ANKS1A: variants seen among roughly 807,000 people sequenced by gnomAD.
ANKS1A encodes the protein ankyrin repeat and sterile alpha motif domain containing 1A.
Under a neutral mutation model 120.3 loss-of-function variants are expected in ANKS1A, and 55 were observed. That is an observed-to-expected ratio of 0.46 (90% CI 0.37 to 0.57). ANKS1A has a LOEUF of 0.57. Among genes scored for constraint, ANKS1A ranks in the 20% least tolerant of loss-of-function variants. The probability of loss-of-function intolerance (pLI) is 0.00; values close to 1 mark genes in which losing one functional copy is unlikely to be tolerated. For synonymous variants in ANKS1A, 590 were observed against 604.7 expected (o/e 0.98, Z 0.36); for missense variants, 1,123 against 1,480.3 (o/e 0.76, Z 3.96).
At chr6:34,938,328 C>A (rs1769359675) in intron 1 of ANKS1A, among the ~76,000 whole-genome samples, 1 of 152,206 alleles carries the variant, frequency 6.6e-6, no homozygotes, top group Admixed American at 6.5e-5. Context: ...TCTCCAATAT[C>A]CTCCTCAAAG....
At chr6:34,959,653 G>A (rs1770536993) in intron 1 of ANKS1A, among the ~76,000 whole-genome samples, 1 of 152,202 alleles carries the variant, frequency 6.6e-6, no homozygotes, top group Admixed American at 6.5e-5. Flanking sequence ...GGACATTTGA[G>A]TTGGGCCACT....
intron 13 of ANKS1A, among the ~76,000 whole-genome samples, chr6:35,074,393 G>A (rs1479504451): frequency 6.6e-6 from 1 of 151,896 alleles, no homozygotes; most frequent in Admixed American, 6.6e-5. Flanking sequence ...TGAGCTTAGG[G>A]GTTCAAGACC....
rs1778231893 is a variant in ANKS1A, at chr6:35,090,315, A to C, written c.*1706A>C. The C allele has an allele frequency of 7.8e-7, 1 of 1,288,632 alleles. No individual in the cohort carries two copies. Among genetic ancestry groups the C allele is most frequent in the Non-Finnish European group, 1.0e-6 (1 of 988,188 alleles). The allele number at this position is 1,288,632 out of a possible 1,614,324, so 79.8% of individuals were successfully genotyped here. A position where few individuals can be genotyped will look rare whatever the true frequency, so the allele number is the denominator to read the frequency against. ...GTTGACCAGGAACCCTAAAGCATCCAGAGTAGACTGCGCTGCCACTGCGCA... is the reference window on the plus strand; with the variant it reads ...GTTGACCAGGAACCCTAAAGCATCCCGAGTAGACTGCGCTGCCACTGCGCA... On this transcript the variant is annotated 3_prime_UTR_variant, in exon 24 of 24. Transcript: ENST00000360359.
Position 34,983,217 on chromosome 6 carries a change from A to G in ANKS1A, c.910+3A>G. 1.2e-6 allele frequency: 2 copies of G among 1,614,030 alleles called. No homozygotes were observed. The highest frequency in any genetic ancestry group is 8.5e-7 in the Non-Finnish European group (1 of 1,179,912). ...GCAAATAGCAGCATTAATTGAAGGTATCATCCTTTCTCCCTGTCTGGGTGA... is the reference window on the plus strand; with the variant it reads ...GCAAATAGCAGCATTAATTGAAGGTGTCATCCTTTCTCCCTGTCTGGGTGA... On this transcript the variant is annotated splice_donor_region_variant and intron_variant, in intron 6 of 23. Transcript: ENST00000360359.
In ANKS1A at chr6:35,086,666, G is replaced by T. The variant is rs1011787502; in HGVS notation, c.3304-286G>T. Among the ~76,000 whole-genome samples the T allele has an allele frequency of 6.6e-6, 1 of 152,152 alleles. No homozygotes were observed. The highest frequency in any genetic ancestry group is 1.5e-5 in the Non-Finnish European group (1 of 68,018). On this transcript the variant is annotated intron_variant, in intron 22 of 23. Coordinates refer to ENST00000360359, the MANE Select transcript of ANKS1A (RefSeq NM_015245.3). The surrounding 1 kb of genome is among the most constrained non-coding windows in gnomAD (Gnocchi z 5.1). Reference sequence around the variant, plus strand: ...TCCCCTTCCTGCCCAGTGTGAGTGGGTCTGGGGCTTAGAGCAGGAGGCCCG... The same window carrying T: ...TCCCCTTCCTGCCCAGTGTGAGTGGTTCTGGGGCTTAGAGCAGGAGGCCCG...
At chr6:35,069,223 G>A (rs1776946952) in intron 13 of ANKS1A, among the ~76,000 whole-genome samples, 1 of 152,068 alleles carries the variant, frequency 6.6e-6, no homozygotes, top group Non-Finnish European at 1.5e-5. Context: ...CACACACTAG[G>A]CTTTCTGATT....
At chr6:35,095,141 CAAAAAAAA>C (rs34813964), downstream of ANKS1A, among the ~76,000 whole-genome samples, 1 of 81,238 alleles carries the variant, frequency 1.2e-5, no homozygotes, top group Non-Finnish European at 2.4e-5. Context: ...ACCCCCATCT[CAAAAAAAA>C]AAAAAAAAAA....
intron 11 of ANKS1A, among the ~76,000 whole-genome samples, chr6:35,035,592 A>T (rs183977082): frequency 6.6e-6 from 1 of 152,166 alleles, no homozygotes; most frequent in African/African-American, 2.4e-5. Context: ...TTCCACCCTC[A>T]TGTCACATTG....
intron 1 of ANKS1A, among the ~76,000 whole-genome samples, chr6:34,930,535 G>A (rs1408519424): frequency 1.3e-5 from 2 of 152,172 alleles, no homozygotes; most frequent in Non-Finnish European, 2.9e-5. Flanking sequence ...AAAAAGGGAT[G>A]TTAATGTTTA....
At position 35,085,642 on chromosome 6, in the gene ANKS1A, G is replaced by A. The variant is rs1184311525; in HGVS notation, c.3133-124G>A. 3 of 909,618 alleles carry A rather than the reference G, an allele frequency of 3.3e-6. No homozygotes were observed. In the African/African-American group the frequency reaches 5.1e-5, roughly 15 times the overall value. 56.3% of individuals were successfully genotyped at this position (909,618 alleles called of 1,614,324 possible). On this transcript the variant is annotated intron_variant, in intron 21 of 23. Coordinates refer to ENST00000360359, the MANE Select transcript of ANKS1A (RefSeq NM_015245.3). This position sits in a 1 kb window ranked among gnomAD's most constrained non-coding sequence, Gnocchi z 4.7. ...AAAGGAGGGAAAGGAGGGAAGAGTG[G>A]AAGGAGGTAGGAGCGCTCCCGGGTA... is the stretch of plus-strand genomic sequence containing the variant.
intron 1 of ANKS1A, among the ~76,000 whole-genome samples, chr6:34,927,196 T>G (rs955563869): frequency 5.9e-5 from 9 of 151,796 alleles, no homozygotes; most frequent in Middle Eastern, 3.4e-3. Context: ...AGAAGGTAAG[T>G]TGAGGGATGT....
chr6:35,045,973 GTTCACATAGCT>G (rs1341974906), intron 11 of ANKS1A, among the ~76,000 whole-genome samples: 1 of 152,194 alleles, frequency 6.6e-6, no homozygotes, highest in Non-Finnish European at 1.5e-5. Flanking sequence ...CTTCAATGTA[GTTCACATAGCT>G]TTCACATACT....
In ANKS1A at chr6:34,889,525, GGGCGGCGGCGGCGGCAGCGGC is replaced by G. The variant is rs776443079; in HGVS notation, c.139_159del (p.Ser47_Gly53del). 142 of 1,272,046 alleles carry G rather than the reference GGGCGGCGGCGGCGGCAGCGGC, an allele frequency of 1.1e-4. 3 individuals are homozygous for G. Among genetic ancestry groups the G allele is most frequent in the Non-Finnish European group, 1.3e-4 (128 of 1,019,386 alleles). The allele number at this position is 1,272,046 out of a possible 1,614,324, so 78.8% of individuals were successfully genotyped here. A position where few individuals can be genotyped will look rare whatever the true frequency, so the allele number is the denominator to read the frequency against. ...GGGGCGGCGGCGGCGGTGGCTCTGGGGGCGGCGGCGGCGGCAGCGGCGGCGGCGGCGGCGGCCTCGGCTCTT... is the reference window on the plus strand; with the variant it reads ...GGGGCGGCGGCGGCGGTGGCTCTGGGGGCGGCGGCGGCGGCCTCGGCTCTT... On this transcript the variant is annotated inframe_deletion, in exon 1 of 24. Coordinates refer to ENST00000360359, the MANE Select transcript of ANKS1A (RefSeq NM_015245.3). The surrounding 1 kb of genome is among the most constrained non-coding windows in gnomAD (Gnocchi z 5.5).
chr6:35,010,017 G>A (rs1773671258), intron 10 of ANKS1A: 1 of 200,900 alleles, frequency 5.0e-6, no homozygotes, highest in Non-Finnish European at 1.0e-5. Context: ...TTGTCTCTAC[G>A]AAAATAAAAA....
chr6:35,088,524 T>C, intron 23 of ANKS1A, 82 bp from the exon 24 acceptor site: 1 of 1,569,110 alleles, frequency 6.4e-7, no homozygotes, highest in African/African-American at 1.3e-5. Context: ...TGTCCTGCTC[T>C]GTGTTTCCTT....
chr6:34,906,394 T>C (rs1017537156), intron 1 of ANKS1A, among the ~76,000 whole-genome samples: 6 of 152,218 alleles, frequency 3.9e-5, no homozygotes, highest in Non-Finnish European at 7.3e-5. Context: ...TTGCTCTCTC[T>C]GCTCGTGAAA....
chr6:34,970,462 C>T lies in ANKS1A; in HGVS notation c.435+296C>T, dbSNP rs564022814. On this transcript the variant is annotated intron_variant, in intron 3 of 23. Transcript: ENST00000360359. ...AAAAATGTATACACAGTCAGCCCTTCGTTTCCAGGACCTCCCCATAGATAC... is the reference window on the plus strand; with the variant it reads ...AAAAATGTATACACAGTCAGCCCTTTGTTTCCAGGACCTCCCCATAGATAC... Among the ~76,000 whole-genome samples the T allele has an allele frequency of 1.5e-4, 23 of 152,238 alleles. No individual in the cohort carries two copies. In the South Asian group the frequency reaches 2.9e-3, roughly 19 times the overall value.
chr6:35,092,354 AC>A (rs1265566270), downstream of ANKS1A, among the ~76,000 whole-genome samples: 15 of 152,368 alleles, frequency 9.8e-5, no homozygotes, highest in East Asian at 2.9e-3. Context: ...TTGAACATAA[AC>A]AATAGTTGTT....
At position 35,090,479 on chromosome 6, in the gene ANKS1A, A is replaced by G; in HGVS notation, c.*1870A>G. 8.9e-7 allele frequency: 1 copy of G among 1,121,514 alleles called. No individual in the cohort carries two copies. The highest frequency in any genetic ancestry group is 1.1e-6 in the Non-Finnish European group (1 of 906,488). 69.5% of individuals were successfully genotyped at this position (1,121,514 alleles called of 1,614,324 possible). On this transcript the variant is annotated 3_prime_UTR_variant, in exon 24 of 24. Transcript: ENST00000360359. Reference sequence around the variant, plus strand: ...GCTGTCTTTTGTGCTTAGATCATCCATAGGTGTTTCTTCTGCTTGAAGCTG... The same window carrying G: ...GCTGTCTTTTGTGCTTAGATCATCCGTAGGTGTTTCTTCTGCTTGAAGCTG...
Sources: gnomAD v4.1 joint callset for allele counts (sites outside exome capture counted in the v4.1 genomes callset) on GRCh38, gnomAD v4.1.1 for gene constraint, Gnocchi (gnomAD v3.1) non-coding constraint, MANE v1.5 for transcripts, NCBI Gene and HGNC (gene_info 2026-07-23, HGNC 2026-07-21) for gene names.